The following SLC24A3 variants were observed in gnomAD, a reference collection of about 807,000 sequenced individuals.
The protein encoded by SLC24A3 is sodium/potassium/calcium exchanger 3.
A neutral mutation model predicts 75.8 loss-of-function variants in SLC24A3; 28 were observed. The ratio of observed to expected loss-of-function variants is 0.37; its 90% CI spans 0.27 to 0.51. SLC24A3 has a LOEUF of 0.51. Ranked by LOEUF, SLC24A3 falls within the 20% of genes least tolerant of loss-of-function variation. The pLI, the probability that SLC24A3 is intolerant of heterozygous loss-of-function variation, is 0.94. For missense variants in SLC24A3, 663 were observed against 847.8 expected, an observed-to-expected ratio of 0.78 and a Z score of 2.71; for synonymous variants, 372 against 334.1, an observed-to-expected ratio of 1.11 and a Z score of -1.24.
chr20:19,413,507 ACTGT>A (rs1260998273), intron 2 of SLC24A3, among the ~76,000 whole-genome samples: 4 of 152,106 alleles, frequency 2.6e-5, no homozygotes, highest in Middle Eastern at 3.4e-3. Flanking sequence ...TTTAAAGGAG[ACTGT>A]CTGGGAAGAT....
At chr20:19,673,373 CAG>C (rs1457394798) in intron 8 of SLC24A3, among the ~76,000 whole-genome samples, 1 of 152,140 alleles carries the variant, frequency 6.6e-6, no homozygotes, top group African/African-American at 2.4e-5. Context: ...TGACAAATAA[CAG>C]AGAGGAAGGG....
chr20:19,289,843 G>A (rs1438649263), intron 2 of SLC24A3, among the ~76,000 whole-genome samples: 6 of 152,104 alleles, frequency 3.9e-5, no homozygotes, highest in African/African-American at 9.7e-5. Flanking sequence ...ATCTTATTTT[G>A]CAGATGAAGC....
intron 9 of SLC24A3, among the ~76,000 whole-genome samples, chr20:19,679,522 G>GAGGGAGACCGTGGGGAA (rs2032582510): frequency 2.7e-5 from 4 of 148,524 alleles, no homozygotes; most frequent in Non-Finnish European, 5.9e-5. Context: ...ACCGTGGGGA[G>GAGGGAGACCGTGGGGAA]AGGGAGACCG....
intron 6 of SLC24A3, among the ~76,000 whole-genome samples, chr20:19,618,680 T>A (rs1044793103): frequency 6.6e-6 from 1 of 152,160 alleles, no homozygotes; most frequent in African/African-American, 2.4e-5. Context: ...TGTTACCACA[T>A]ACGAAAAATG....
At chr20:19,234,295 G>T (rs2122152508) in intron 1 of SLC24A3, among the ~76,000 whole-genome samples, 1 of 152,316 alleles carries the variant, frequency 6.6e-6, no homozygotes, top group East Asian at 1.9e-4. Context: ...CTGAGGATGA[G>T]ACCCAGGAAA....
chr20:19,686,894 T>A (rs1455384360), intron 12 of SLC24A3, among the ~76,000 whole-genome samples: 2 of 152,262 alleles, frequency 1.3e-5, no homozygotes, highest in African/African-American at 4.8e-5. Flanking sequence ...ACACTCGTTC[T>A]TTATCCATTT....
At position 19,498,087 on chromosome 20, in the gene SLC24A3, C is replaced by T. The variant is rs542651285; in HGVS notation, c.272-17401C>T. On this transcript the variant is annotated intron_variant, in intron 2 of 16. Coordinates refer to ENST00000328041, the MANE Select transcript of SLC24A3 (RefSeq NM_020689.4). ...TGAACCTTGTTGTGAACTGCACATG[C>T]GAGGGATCTAGGTTGCACACTCCTC... Among the ~76,000 whole-genome samples the T allele has an allele frequency of 8.5e-5, 13 of 152,194 alleles. No homozygotes were observed. In the East Asian group the frequency reaches 1.7e-3, roughly 20 times the overall value.
chr20:19,565,755 A>G (rs2030948282), intron 3 of SLC24A3, among the ~76,000 whole-genome samples: 1 of 152,204 alleles, frequency 6.6e-6, no homozygotes, highest in Admixed American at 6.5e-5. Flanking sequence ...GATGGTGACC[A>G]GACAGGTAGG....
At chr20:19,336,251 C>T (rs1985130715) in intron 2 of SLC24A3, among the ~76,000 whole-genome samples, 1 of 152,186 alleles carries the variant, frequency 6.6e-6, no homozygotes, top group Admixed American at 6.5e-5. Context: ...AGCCCATAGA[C>T]ACACCTGTTG....
chr20:19,474,751 T>A (rs1005111297), intron 2 of SLC24A3, among the ~76,000 whole-genome samples: 6 of 152,218 alleles, frequency 3.9e-5, no homozygotes, highest in Admixed American at 3.9e-4. Flanking sequence ...ACATTTAAGA[T>A]CTACTCTCTT....
At chr20:19,213,669 T>C (rs1686139363) in intron 1 of SLC24A3, among the ~76,000 whole-genome samples, 1 of 152,242 alleles carries the variant, frequency 6.6e-6, no homozygotes, top group South Asian at 2.1e-4. Context: ...CGCATCACAC[T>C]GTCCGCTCCT....
At position 19,346,109 on chromosome 20, in the gene SLC24A3, G is replaced by GGT. The variant is rs1300005550; in HGVS notation, c.271+65037_271+65038dup. ...TATATATATATATATATATATATATGGTGTGTGTGTGTGTGTATATATATA... is the reference window on the plus strand; with the variant it reads ...TATATATATATATATATATATATATGGTGTGTGTGTGTGTGTGTATATATATA... On this transcript the variant is annotated intron_variant, in intron 2 of 16. Coordinates refer to ENST00000328041, the MANE Select transcript of SLC24A3 (RefSeq NM_020689.4). 3.5e-3 allele frequency among the ~76,000 whole-genome samples: 67 copies of GGT among 19,404 alleles called. 4 individuals carry two copies. The highest frequency in any genetic ancestry group is 0.018 in the East Asian group (18 of 980). 12.7% of individuals were successfully genotyped at this position (19,404 alleles called of 152,430 possible).
intron 12 of SLC24A3, among the ~76,000 whole-genome samples, chr20:19,692,699 A>G (rs1175916996): frequency 6.6e-6 from 1 of 152,162 alleles, no homozygotes; most frequent in Admixed American, 6.5e-5. Context: ...CTAGAGGTGA[A>G]TTAGCAGTTA....
intron 2 of SLC24A3, among the ~76,000 whole-genome samples, chr20:19,447,718 T>G (rs903608154): frequency 6.6e-6 from 1 of 152,180 alleles, no homozygotes; most frequent in Non-Finnish European, 1.5e-5. Context: ...TGGTTGTTCC[T>G]CTGTGAAGCT....
At chr20:19,319,227 G>A (rs1984651511) in intron 2 of SLC24A3, among the ~76,000 whole-genome samples, 1 of 152,218 alleles carries the variant, frequency 6.6e-6, no homozygotes, top group Admixed American at 6.5e-5. Context: ...GCAGGACACT[G>A]GTAGGGGCTG....
At chr20:19,299,962 T>G (rs140347290) in intron 2 of SLC24A3, among the ~76,000 whole-genome samples, 4,911 of 152,284 alleles carry the variant, frequency 0.032, 125 homozygotes, top group Non-Finnish European at 0.05. Context: ...CCATGATTTC[T>G]TATTTCCAGA....
chr20:19,545,827 T>C (rs1370769563), intron 3 of SLC24A3, among the ~76,000 whole-genome samples: 2 of 152,168 alleles, frequency 1.3e-5, no homozygotes, highest in Non-Finnish European at 2.9e-5. Flanking sequence ...TTTCATTTCT[T>C]TGGACGTAAA....
rs116823130 is a variant in SLC24A3, at chr20:19,556,621, C to G, written c.349-23379C>G. ...AAAAGGCAATTTTAGCTTGGTGGCT[C>G]AAACAACTCAGATTTAAGTCACTGC... On this transcript the variant is annotated intron_variant, in intron 3 of 16. Coordinates refer to ENST00000328041, the MANE Select transcript of SLC24A3 (RefSeq NM_020689.4). Among the ~76,000 whole-genome samples the G allele has an allele frequency of 1.9e-3, 282 of 150,296 alleles. 2 individuals carry two copies. Among genetic ancestry groups the G allele is most frequent in the African/African-American group, 6.4e-3 (262 of 40,900 alleles).
At chr20:19,691,031 C>T (rs2122130898) in intron 12 of SLC24A3, among the ~76,000 whole-genome samples, 1 of 152,310 alleles carries the variant, frequency 6.6e-6, no homozygotes, top group Non-Finnish European at 1.5e-5. Context: ...ATAAGCCCTG[C>T]ACTATCCCTG....
Sources: allele counts gnomAD v4.1 joint callset (sites outside exome capture counted in the v4.1 genomes callset), GRCh38; gene constraint gnomAD v4.1.1; transcripts MANE v1.5; gene names NCBI Gene and HGNC (gene_info 2026-07-23, HGNC 2026-07-21).